The following DCLK1 variants were observed in gnomAD, a reference collection of about 807,000 sequenced individuals.
DCLK1 encodes the protein doublecortin like kinase 1.
DCLK1 carries 16 observed loss-of-function variants against 86.2 expected under a neutral mutation model. The observed-to-expected ratio is 0.19, with a 90% CI of 0.13 to 0.28. The LOEUF is 0.28. DCLK1 is among the 10% of genes least tolerant of loss of function. DCLK1 has a pLI of 1.00. For synonymous variants in DCLK1, 369 were observed against 370.5 expected (o/e 1.00, Z 0.05); for missense variants, 590 against 940.2 (o/e 0.63, Z 4.87).
At chr13:36,064,110 A>G (rs1166693761) in intron 3 of DCLK1, among the ~76,000 whole-genome samples, 1 of 152,212 alleles carries the variant, frequency 6.6e-6, no homozygotes, top group East Asian at 1.9e-4. Context: ...GATGAATACT[A>G]TTCACACGTG....
chr13:35,973,017 A>G (rs1478642992), intron 3 of DCLK1, among the ~76,000 whole-genome samples: 1 of 152,202 alleles, frequency 6.6e-6, no homozygotes, highest in Non-Finnish European at 1.5e-5. Context: ...TGCCTGAGTC[A>G]GCACCCAGTA....
At chr13:36,125,405 G>A (rs945689104) in intron 2 of DCLK1, among the ~76,000 whole-genome samples, 1 of 151,974 alleles carries the variant, frequency 6.6e-6, no homozygotes, top group African/African-American at 2.4e-5. Context: ...AAGTACTTTC[G>A]GATATCGTGA....
rs139818589 is a variant in DCLK1 at position 35,789,287 on chromosome 13, G to A, written c.2058+4079C>T. ...ATTCACAAAGGCATTTCAAAAACAT[G>A]CCAGGGCACCAGGCATTTAAACTAA... On this transcript the variant is annotated intron_variant, in intron 16 of 16. Transcript: ENST00000360631. Among the ~76,000 whole-genome samples the A allele has an allele frequency of 5.1e-3, 780 of 152,270 alleles. 9 individuals carry two copies. Among genetic ancestry groups the A allele is most frequent in the South Asian group, 0.018 (85 of 4,826 alleles).
At chr13:35,921,854 A>C (rs757877534) in intron 4 of DCLK1, among the ~76,000 whole-genome samples, 4 of 152,196 alleles carry the variant, frequency 2.6e-5, no homozygotes, top group Non-Finnish European at 4.4e-5. Flanking sequence ...GACAGGGCAG[A>C]GATAAAGTTG....
At chr13:36,108,874 C>T (rs1262109887) in intron 3 of DCLK1, among the ~76,000 whole-genome samples, 2 of 152,174 alleles carry the variant, frequency 1.3e-5, no homozygotes, top group Non-Finnish European at 2.9e-5. Flanking sequence ...GATGCCACCA[C>T]AGGCAGGCCA....
intron 3 of DCLK1, among the ~76,000 whole-genome samples, chr13:35,997,844 G>C (rs1316857648): frequency 6.6e-6 from 1 of 152,188 alleles, no homozygotes; most frequent in Non-Finnish European, 1.5e-5. Flanking sequence ...AGGTCCTGGG[G>C]TGTTTTGGGT....
intron 2 of DCLK1, among the ~76,000 whole-genome samples, chr13:36,119,764 G>C (rs1042709806): frequency 2.0e-5 from 3 of 152,158 alleles, no homozygotes; most frequent in African/African-American, 7.2e-5. Context: ...GCTTCAAGGA[G>C]AAGCAGACAC....
At chr13:35,780,406 C>A (rs2086505415) in intron 16 of DCLK1, among the ~76,000 whole-genome samples, 1 of 152,152 alleles carries the variant, frequency 6.6e-6, no homozygotes, top group Non-Finnish European at 1.5e-5. Flanking sequence ...ACTAAGAGAT[C>A]CTAAGAGACT....
intron 3 of DCLK1, among the ~76,000 whole-genome samples, chr13:35,962,679 T>G (rs1314541368): frequency 6.6e-6 from 1 of 152,208 alleles, no homozygotes; most frequent in Non-Finnish European, 1.5e-5. Flanking sequence ...AAAGGCTTCA[T>G]TTTTCCATTG....
chr13:35,855,954 C>A, intron 5 of DCLK1: 3 of 691,668 alleles, frequency 4.3e-6, no homozygotes, highest in Non-Finnish European at 5.4e-6. Context: ...ATCAGGAAAC[C>A]CTCACACAAT....
intron 5 of DCLK1, among the ~76,000 whole-genome samples, chr13:35,862,917 C>T (rs1447975250): frequency 6.6e-6 from 1 of 152,158 alleles, no homozygotes; most frequent in East Asian, 1.9e-4. Flanking sequence ...AGTCAAGTAC[C>T]ACAAAACAAT....
chr13:35,803,733 A>C (rs1401165313), intron 15 of DCLK1, among the ~76,000 whole-genome samples: 1 of 152,222 alleles, frequency 6.6e-6, no homozygotes, highest in Non-Finnish European at 1.5e-5. Flanking sequence ...AAAACAAAAC[A>C]AATCACTCGA....
intron 16 of DCLK1, among the ~76,000 whole-genome samples, chr13:35,775,221 T>G (rs976297896): frequency 6.6e-6 from 1 of 152,188 alleles, no homozygotes; most frequent in African/African-American, 2.4e-5. Flanking sequence ...TTATTATCTG[T>G]TGATGAGGGA....
At chr13:35,839,268 C>T (rs1321564422) in intron 6 of DCLK1, 92 bp from the exon 7 acceptor site, 17 of 1,163,236 alleles carry the variant, frequency 1.5e-5, no homozygotes, top group Admixed American at 8.8e-5. Flanking sequence ...CAGGAGAAAA[C>T]TTTGCCCATG....
At chr13:35,859,810 A>G (rs1871280947) in intron 5 of DCLK1, among the ~76,000 whole-genome samples, 1 of 152,242 alleles carries the variant, frequency 6.6e-6, no homozygotes, top group Non-Finnish European at 1.5e-5. Flanking sequence ...ACTTTAAAAA[A>G]TCTAGAATTT....
At chr13:36,070,275 C>T (rs1265469622) in intron 3 of DCLK1, among the ~76,000 whole-genome samples, 1 of 152,160 alleles carries the variant, frequency 6.6e-6, no homozygotes, top group Non-Finnish European at 1.5e-5. Flanking sequence ...AGTTTCAAAA[C>T]TTATCTCACG....
At chr13:35,897,201 T>C (rs1874057793) in intron 4 of DCLK1, among the ~76,000 whole-genome samples, 1 of 152,160 alleles carries the variant, frequency 6.6e-6, no homozygotes, top group South Asian at 2.1e-4. Flanking sequence ...GGAGGCTCCT[T>C]ACTCAACAAA....
intron 3 of DCLK1, among the ~76,000 whole-genome samples, chr13:35,952,335 G>C (rs777687517): frequency 1.3e-5 from 2 of 152,118 alleles, no homozygotes; most frequent in African/African-American, 4.8e-5. Flanking sequence ...TCATTACTTT[G>C]ATGAAAGAAA....
chr13:35,944,545 A>T (rs552994927), intron 4 of DCLK1, among the ~76,000 whole-genome samples: 1 of 152,324 alleles, frequency 6.6e-6, no homozygotes, highest in South Asian at 2.1e-4. Flanking sequence ...CAACAGGAAA[A>T]TTGCAGTTGT....
Sources: gnomAD v4.1 joint callset for allele counts (sites outside exome capture counted in the v4.1 genomes callset) on GRCh38, gnomAD v4.1.1 for gene constraint, MANE v1.5 for transcripts, NCBI Gene and HGNC (gene_info 2026-07-23, HGNC 2026-07-21) for gene names.